TXNRD2: variants seen among roughly 807,000 people sequenced by gnomAD.
TXNRD2 encodes thioredoxin reductase 2, mitochondrial.
Under a neutral mutation model 70.8 loss-of-function variants are expected in TXNRD2, and 67 were observed. The observed-to-expected ratio is 0.95, with a 90% CI of 0.78 to 1.16. TXNRD2 has a LOEUF of 1.16. Among genes scored for constraint, TXNRD2 ranks in the 50% most tolerant of loss-of-function variants. The pLI is 0.00. For synonymous variants in TXNRD2, 301 were observed against 295.8 expected, an observed-to-expected ratio of 1.02 and a Z score of -0.18; for missense variants, 644 against 719.9, an observed-to-expected ratio of 0.89 and a Z score of 1.21.
chr22:19,895,905 GAGAATCCCTCA>G (rs1939485031), intron 10 of TXNRD2, among the ~76,000 whole-genome samples: 1 of 152,232 alleles, frequency 6.6e-6, no homozygotes, highest in Non-Finnish European at 1.5e-5. Context: ...GCTGAAGTGG[GAGAATCCCTCA>G]AGCCCAGGAG....
chr22:19,911,367 C>A lies in TXNRD2; in HGVS notation c.662+10G>T, dbSNP rs2146024963. Reference sequence around the variant, plus strand: ...AAAAGAGGACCCCACCAAGCACGCGCAGGCCTTACGTTTTTCCAGGGGATT... The same window carrying A: ...AAAAGAGGACCCCACCAAGCACGCGAAGGCCTTACGTTTTTCCAGGGGATT... On this transcript the variant is annotated intron_variant, in intron 8 of 17. Transcript: ENST00000400521. 6.2e-7 allele frequency: 1 copy of A among 1,612,150 alleles called. No individual in the cohort carries two copies. Among genetic ancestry groups the A allele is most frequent in the Non-Finnish European group, 8.5e-7 (1 of 1,178,246 alleles).
chr22:19,900,397 C>T (rs566065006), intron 8 of TXNRD2, among the ~76,000 whole-genome samples: 18 of 152,304 alleles, frequency 1.2e-4, no homozygotes, highest in Admixed American at 9.8e-4. Flanking sequence ...TCCAAAATGG[C>T]GAAACCAAAC....
intron 11 of TXNRD2, among the ~76,000 whole-genome samples, chr22:19,888,405 A>G (rs1310869097): frequency 6.6e-6 from 1 of 152,250 alleles, no homozygotes; most frequent in Non-Finnish European, 1.5e-5. Context: ...TGATGGACAC[A>G]GGGACACGGG....
chr22:19,881,353 C>T (rs954851831), intron 12 of TXNRD2: 74 of 331,474 alleles, frequency 2.2e-4, no homozygotes, highest in African/African-American at 1.3e-3. Flanking sequence ...AAACTCAGAG[C>T]GCAGCCTGCG....
At chr22:19,932,583 C>G in intron 1 of TXNRD2, 2 of 1,451,942 alleles carry the variant, frequency 1.4e-6, no homozygotes, top group Non-Finnish European at 1.8e-6. Flanking sequence ...CAGCCAACTC[C>G]CTGCTGAAGG....
At chr22:19,934,391 A>G (rs561421940) in intron 1 of TXNRD2, among the ~76,000 whole-genome samples, 1 of 151,108 alleles carries the variant, frequency 6.6e-6, no homozygotes, top group East Asian at 1.9e-4. Flanking sequence ...AGAAAAAAAA[A>G]AAAAAAAAAA....
At chr22:19,929,431 G>A (rs1941278002) in intron 2 of TXNRD2, among the ~76,000 whole-genome samples, 1 of 151,552 alleles carries the variant, frequency 6.6e-6, no homozygotes, top group Non-Finnish European at 1.5e-5. Flanking sequence ...CCAGGAGTTT[G>A]AGGTTGCAGT....
intron 11 of TXNRD2, chr22:19,884,085 T>C (rs1938914883): frequency 6.5e-6 from 1 of 153,696 alleles, no homozygotes; most frequent in African/African-American, 2.4e-5. Flanking sequence ...ACCCGGGAGG[T>C]GTCGGTTGCA....
chr22:19,934,956 T>G (rs929960639), intron 1 of TXNRD2, among the ~76,000 whole-genome samples: 2 of 152,228 alleles, frequency 1.3e-5, no homozygotes, highest in African/African-American at 2.4e-5. Context: ...TCAGGACCAC[T>G]GTGATAATTG....
chr22:19,935,858 G>C (rs1184677871), intron 1 of TXNRD2, among the ~76,000 whole-genome samples: 1 of 151,580 alleles, frequency 6.6e-6, no homozygotes, highest in Non-Finnish European at 1.5e-5. Flanking sequence ...AATGTTCATC[G>C]GTCCAGTCCA....
chr22:19,926,779 T>C (rs1321828673), intron 2 of TXNRD2, among the ~76,000 whole-genome samples: 1 of 151,994 alleles, frequency 6.6e-6, no homozygotes, highest in Non-Finnish European at 1.5e-5. Context: ...AGACCCTGTC[T>C]GAAAACAAAC....
At chr22:19,913,918 A>G (rs918287300) in intron 7 of TXNRD2, among the ~76,000 whole-genome samples, 1 of 152,232 alleles carries the variant, frequency 6.6e-6, no homozygotes, top group African/African-American at 2.4e-5. Context: ...TAAGCTAACC[A>G]AGTAAAGACT....
chr22:19,911,156 C>T (rs1940391170), intron 8 of TXNRD2: 2 of 657,162 alleles, frequency 3.0e-6, no homozygotes, highest in South Asian at 3.2e-5. Context: ...ATGCTGATCT[C>T]GAACTCCTGG....
chr22:19,890,857 G>A (rs184565394), intron 11 of TXNRD2, among the ~76,000 whole-genome samples: 1 of 152,354 alleles, frequency 6.6e-6, no homozygotes, highest in African/African-American at 2.4e-5. Flanking sequence ...CCAGCAAACA[G>A]TGCCTGGGTG....
chr22:19,896,901 G>A (rs939701397), intron 10 of TXNRD2, among the ~76,000 whole-genome samples: 7 of 152,180 alleles, frequency 4.6e-5, no homozygotes, highest in Admixed American at 3.9e-4. Flanking sequence ...GGAGGGCATG[G>A]CCATCCCAGG....
chr22:19,902,566 G>A (rs192373887), intron 8 of TXNRD2, among the ~76,000 whole-genome samples: 12 of 152,320 alleles, frequency 7.9e-5, no homozygotes, highest in African/African-American at 2.4e-4. Flanking sequence ...GCACAGGGCT[G>A]GGGGTGCTAC....
At chr22:19,933,621 A>G in intron 1 of TXNRD2, 1 of 683,282 alleles carries the variant, frequency 1.5e-6, no homozygotes, top group Non-Finnish European at 2.1e-6. Flanking sequence ...TCTCGGGCTG[A>G]TAAACACTGG....
chr22:19,890,455 T>C (rs1392835437), intron 11 of TXNRD2, among the ~76,000 whole-genome samples: 3 of 152,204 alleles, frequency 2.0e-5, no homozygotes, highest in Admixed American at 6.5e-5. Flanking sequence ...GGCATGTGGA[T>C]GCCAGGGTCA....
chr22:19,910,813 G>A (rs924466702), intron 8 of TXNRD2: 3 of 186,838 alleles, frequency 1.6e-5, no homozygotes, highest in African/African-American at 2.4e-5. Context: ...GGTGGCTCAC[G>A]CTTGTAATCC....
Sources: allele counts gnomAD v4.1 joint callset (sites outside exome capture counted in the v4.1 genomes callset), GRCh38; gene constraint gnomAD v4.1.1; transcripts MANE v1.5; gene names NCBI Gene and HGNC (gene_info 2026-07-23, HGNC 2026-07-21).